The following EPRS1 variants were observed in gnomAD, a reference collection of about 807,000 sequenced individuals.
The protein encoded by EPRS1 is glutamyl-prolyl-tRNA synthetase 1, also known as bifunctional glutamate/proline--tRNA ligase.
In EPRS1, 107 loss-of-function variants were observed where a neutral mutation model predicts 188.3. The ratio of observed to expected loss-of-function variants is 0.57; its 90% CI spans 0.49 to 0.67. EPRS1 has a LOEUF of 0.67. Among genes scored for constraint, EPRS1 ranks in the 30% least tolerant of loss-of-function variants. The pLI is 0.00. For missense variants in EPRS1, 1,577 were observed against 1,802.2 expected (o/e 0.88, Z 2.26); for synonymous variants, 596 against 593.1 (o/e 1.00, Z -0.07).
At chr1:220,010,214 G>C (rs910642303) in intron 13 of EPRS1, among the ~76,000 whole-genome samples, 3 of 152,036 alleles carry the variant, frequency 2.0e-5, no homozygotes, top group Non-Finnish European at 4.4e-5. Context: ...AACAGTAGTA[G>C]GTCTAATGTT....
At chr1:220,027,823 A>T (rs1040821533) in intron 6 of EPRS1, among the ~76,000 whole-genome samples, 3 of 151,866 alleles carry the variant, frequency 2.0e-5, no homozygotes, top group African/African-American at 7.2e-5. Flanking sequence ...TCTCTACTAA[A>T]AATACAAAAA....
At chr1:220,015,950 G>A (rs1260746759) in intron 12 of EPRS1, among the ~76,000 whole-genome samples, 1 of 152,114 alleles carries the variant, frequency 6.6e-6, no homozygotes, top group Non-Finnish European at 1.5e-5. Flanking sequence ...TCAGGTTACA[G>A]AGCAGCACAG....
At chr1:219,974,324 A>G (rs1442237494) in intron 28 of EPRS1, among the ~76,000 whole-genome samples, 1 of 152,104 alleles carries the variant, frequency 6.6e-6, no homozygotes, top group Non-Finnish European at 1.5e-5. Context: ...CCACTCCCCT[A>G]TACTCTTTGG....
At chr1:219,976,596 T>G (rs952498410) in intron 28 of EPRS1, among the ~76,000 whole-genome samples, 3 of 152,156 alleles carry the variant, frequency 2.0e-5, no homozygotes, top group African/African-American at 4.8e-5. Context: ...GCAGGAAAAT[T>G]TAATTATTTG....
At chr1:220,013,166 C>T (rs1661640361) in intron 12 of EPRS1, among the ~76,000 whole-genome samples, 1 of 152,174 alleles carries the variant, frequency 6.6e-6, no homozygotes, top group South Asian at 2.1e-4. Context: ...AAAATCTTAA[C>T]ACTTAAATAA....
At chr1:219,975,179 T>C (rs181857845) in intron 28 of EPRS1, among the ~76,000 whole-genome samples, 178 of 152,210 alleles carry the variant, frequency 1.2e-3, no homozygotes, top group Non-Finnish European at 1.9e-3. Context: ...CAGCAGGGTG[T>C]CTGAGCCTCA....
At chr1:220,004,854 C>T (rs374916781) in intron 16 of EPRS1, among the ~76,000 whole-genome samples, 3 of 151,750 alleles carry the variant, frequency 2.0e-5, no homozygotes, top group African/African-American at 7.3e-5. Flanking sequence ...AATACAAATA[C>T]TGGTTATTTC....
chr1:219,997,329 A>G lies in EPRS1; in HGVS notation c.2195T>C (p.Phe732Ser), dbSNP rs1661256840. Residue 732 changes from phenylalanine (F) to serine (S), a missense_variant, in exon 18 of 32, where the codon TTT becomes TCT. Transcript: ENST00000366923. ...EATKNETSAPFKERPTPSLNN... is the reference protein window; with the variant it reads ...EATKNETSAPSKERPTPSLNN... ...CAGAGAAGGTGTTGGTCTTTCCTTAAAAGGAGCAGAGGTCTACCAAGAGAG... is the reference window on the plus strand; with the variant it reads ...CAGAGAAGGTGTTGGTCTTTCCTTAGAAGGAGCAGAGGTCTACCAAGAGAG... 1.2e-6 allele frequency: 2 copies of G among 1,602,550 alleles called. No individual in the cohort carries two copies. Among genetic ancestry groups the G allele is most frequent in the African/African-American group, 2.7e-5 (2 of 74,388 alleles).
In EPRS1 at chr1:219,996,994, T is replaced by G. The variant is rs374381933; in HGVS notation, c.2530A>C (p.Lys844Gln). The G allele has an allele frequency of 1.7e-5, 27 of 1,596,650 alleles. No individual in the cohort carries two copies. The highest frequency in any genetic ancestry group is 2.3e-5 in the Non-Finnish European group (27 of 1,173,644). The stretch of plus-strand genomic sequence containing the variant: ...TCTAACATACTGACCTTAGGGGATT[T>G]TTCAGCTTTTAGCTTACGAACCACC... ...GEVVRKLKAE[K>Q]SPKAKINEAV... The change falls in exon 18 of 32, where the codon AAA becomes CAA. Residue 844 changes from lysine (K) to glutamine (Q), a missense_variant. Lys to Gln is a moderately conservative substitution (Grantham distance 53). Around this residue, in one of 3 missense-constraint regions of EPRS1, gnomAD observed 1,278 missense variants for 1,457.4 expected, o/e 0.88. Coordinates refer to ENST00000366923, the MANE Select transcript of EPRS1 (RefSeq NM_004446.3).
intron 17 of EPRS1, among the ~76,000 whole-genome samples, chr1:219,997,869 A>G (rs935996755): frequency 4.6e-5 from 7 of 152,184 alleles, no homozygotes; most frequent in Non-Finnish European, 8.8e-5. Context: ...ATACATCTAG[A>G]TTGTTGATAA....
In EPRS1 at chr1:219,978,505, T is replaced by C. The variant is rs372966187; in HGVS notation, c.4083+41A>G. ...ATGCAGAGGAAAATCTAAACTCAAA[T>C]TGCAGATGTTGGGGGTAAAAGATAA... On this transcript the variant is annotated intron_variant, in intron 28 of 31. Coordinates refer to ENST00000366923, the MANE Select transcript of EPRS1 (RefSeq NM_004446.3). 188 of 1,442,718 alleles carry C rather than the reference T, an allele frequency of 1.3e-4. 1 individual carries two copies. The Middle Eastern group carries it at 1.6e-3, about 13-fold the overall frequency. The allele number at this position is 1,442,718 out of a possible 1,614,324, so 89.4% of individuals were successfully genotyped here. A position where few individuals can be genotyped will look rare whatever the true frequency, so the allele number is the denominator to read the frequency against.
intron 28 of EPRS1, among the ~76,000 whole-genome samples, chr1:219,978,207 T>C (rs1476570971): frequency 6.6e-6 from 1 of 152,224 alleles, no homozygotes; most frequent in African/African-American, 2.4e-5. Flanking sequence ...ACTGTTATTC[T>C]GGTGGTCTAT....
chr1:220,029,770 G>C (rs1662052250), intron 6 of EPRS1, among the ~76,000 whole-genome samples: 1 of 152,202 alleles, frequency 6.6e-6, no homozygotes, highest in African/African-American at 2.4e-5. Context: ...GGTGTGCAAA[G>C]ACAAAGACTT....
rs1361392132 is a variant in EPRS1, at chr1:220,032,394, G to A, written c.521C>T (p.Ala174Val). 1 of 1,600,512 alleles carries A rather than the reference G, an allele frequency of 6.2e-7. No individual in the cohort carries two copies. The highest frequency in any genetic ancestry group is 2.2e-5 in the East Asian group (1 of 44,748). Residue 174 changes from alanine to valine, a missense_variant, in exon 5 of 32, where the codon GCT (alanine) becomes GTT (valine). Around this residue, in one of 3 missense-constraint regions of EPRS1, gnomAD observed 1,278 missense variants for 1,457.4 expected, o/e 0.88. Coordinates refer to ENST00000366923, the MANE Select transcript of EPRS1 (RefSeq NM_004446.3). ...AAAGAAAAAAAGGCTTACCACTCGA[G>A]CTTTGGTTGTTGAAACATCCCACTT... ...GTKWDVSTTK[A>V]RVAPEKKQDV...
intron 16 of EPRS1, among the ~76,000 whole-genome samples, chr1:220,004,639 T>C (rs1405793025): frequency 1.3e-5 from 2 of 152,140 alleles, no homozygotes; most frequent in Non-Finnish European, 2.9e-5. Flanking sequence ...CACGTTGAGT[T>C]TGAAATGCTT....
At chr1:220,014,778 C>T (rs1661670255) in intron 12 of EPRS1, among the ~76,000 whole-genome samples, 1 of 53,884 alleles carries the variant, frequency 1.9e-5, no homozygotes, top group Non-Finnish European at 4.2e-5. Flanking sequence ...ATTCTTCAGG[C>T]TTCCAATCAC....
At position 219,999,704 on chromosome 1, in the gene EPRS1, T is replaced by G. The variant is rs369444858; in HGVS notation, c.2181+1434A>C. Among the ~76,000 whole-genome samples, 62 of 152,294 alleles carry G rather than the reference T, an allele frequency of 4.1e-4. 1 individual carries two copies. Among genetic ancestry groups the G allele is most frequent in the African/African-American group, 1.4e-3 (60 of 41,564 alleles). ...AGAATCCAGCCCAGGCCAGGTGCAG[T>G]GGATCATGCCTATAATCCCAGTACT... is the stretch of plus-strand genomic sequence containing the variant. On this transcript the variant is annotated intron_variant, in intron 17 of 31. Coordinates refer to ENST00000366923, the MANE Select transcript of EPRS1 (RefSeq NM_004446.3).
intron 16 of EPRS1, among the ~76,000 whole-genome samples, chr1:220,001,862 C>T (rs1661359242): frequency 6.6e-6 from 1 of 150,872 alleles, no homozygotes; most frequent in Non-Finnish European, 1.5e-5. Flanking sequence ...AACCCCATCG[C>T]TACTAAAATA....
Position 219,973,284 on chromosome 1 carries a change from T to A in EPRS1, c.4198A>T (p.Lys1400Ter). The A allele has an allele frequency of 6.2e-7, 1 of 1,612,910 alleles. No individual in the cohort carries two copies. The highest frequency in any genetic ancestry group is 1.1e-5 in the South Asian group (1 of 90,992). ...ATGTCTTCCAAAATAGCTTGAAGTT[T>A]AGTCTCTGCCTCATTTTCAGCAACT... is the stretch of plus-strand genomic sequence containing the variant. ...LTVAENEAET[K>*]LQAILEDIQV... The change falls in exon 29 of 32, where the codon AAA becomes TAA. Residue 1400 changes from lysine to a stop codon, truncating the protein, a stop_gained. Coordinates refer to ENST00000366923, the MANE Select transcript of EPRS1 (RefSeq NM_004446.3). LOFTEE classifies it high-confidence loss of function.
Sources: allele counts gnomAD v4.1 joint callset (sites outside exome capture counted in the v4.1 genomes callset), GRCh38; gene constraint gnomAD v4.1.1; regional missense constraint gnomAD v4.1.1; transcripts MANE v1.5; gene names NCBI Gene and HGNC (gene_info 2026-07-23, HGNC 2026-07-21).